The following KAZN variants were observed in gnomAD, a reference collection of about 807,000 sequenced individuals.
KAZN encodes the protein kazrin.
In KAZN, 40 loss-of-function variants were observed where a neutral mutation model predicts 87.4. That is an observed-to-expected ratio of 0.46 (90% CI 0.36 to 0.60). The LOEUF (loss-of-function observed/expected upper bound fraction) is 0.60, where lower values mean the gene tolerates loss of function less well. Ranked by LOEUF, KAZN falls within the 20% of genes least tolerant of loss-of-function variation. KAZN has a pLI of 0.00. For missense variants in KAZN, 898 were observed against 1,073.9 expected (o/e 0.84, Z 2.29); for synonymous variants, 466 against 458.3 (o/e 1.02, Z -0.22).
At chr1:14,393,559 C>G (rs953632212) in intron 2 of KAZN, among the ~76,000 whole-genome samples, 1 of 152,062 alleles carries the variant, frequency 6.6e-6, no homozygotes, top group Non-Finnish European at 1.5e-5. Flanking sequence ...AGTAGCCTCA[C>G]GAAGAGTTTG....
chr1:14,790,028 G>A (rs1456623301), intron 1 of KAZN, among the ~76,000 whole-genome samples: 2 of 151,174 alleles, frequency 1.3e-5, no homozygotes, highest in African/African-American at 2.4e-5. Flanking sequence ...TTGAGACAGA[G>A]TTTCACTCTT....
At chr1:14,043,628 A>C (rs555194871) in intron 1 of KAZN, among the ~76,000 whole-genome samples, 6 of 152,212 alleles carry the variant, frequency 3.9e-5, no homozygotes, top group Non-Finnish European at 7.4e-5. Flanking sequence ...TTTTTAATTA[A>C]ATATAACAAC....
rs375650291 is a variant in KAZN, at chr1:15,048,554, T to C, written c.726+4395T>C. 4.5e-3 allele frequency among the ~76,000 whole-genome samples: 677 copies of C among 151,138 alleles called. 3 individuals are homozygous for C. Among genetic ancestry groups the C allele is most frequent in the South Asian group, 0.033 (154 of 4,670 alleles). On this transcript the variant is annotated intron_variant, in intron 4 of 14. Transcript: ENST00000376030. ...GCCAGAGCCAGCGTTGATCCTTGGT[T>C]GTTGGTCCTGGGTCGTTGATCCTTG... is the stretch of plus-strand genomic sequence containing the variant.
At chr1:14,989,726 G>T (rs1667169511) in intron 2 of KAZN, among the ~76,000 whole-genome samples, 1 of 152,174 alleles carries the variant, frequency 6.6e-6, no homozygotes, top group Non-Finnish European at 1.5e-5. Flanking sequence ...TGTGTGAAGT[G>T]CTCGGGATGG....
intron 2 of KAZN, among the ~76,000 whole-genome samples, chr1:14,471,238 C>T (rs533012618): frequency 1.3e-5 from 2 of 152,142 alleles, no homozygotes; most frequent in Non-Finnish European, 2.9e-5. Flanking sequence ...ATGAATACGG[C>T]TGGCTATCAT....
chr1:14,889,851 C>A (rs1278418562), intron 1 of KAZN, among the ~76,000 whole-genome samples: 1 of 152,212 alleles, frequency 6.6e-6, no homozygotes, highest in Non-Finnish European at 1.5e-5. Context: ...GGGACAGAGA[C>A]CATTGAAAAT....
At chr1:14,770,801 G>T (rs922666330) in intron 1 of KAZN, among the ~76,000 whole-genome samples, 6 of 152,176 alleles carry the variant, frequency 3.9e-5, no homozygotes, top group African/African-American at 1.4e-4. Flanking sequence ...GATGTTAAGA[G>T]AGAAACATGC....
At chr1:14,733,235 A>C (rs548073876) in intron 1 of KAZN, among the ~76,000 whole-genome samples, 2 of 152,276 alleles carry the variant, frequency 1.3e-5, no homozygotes, top group South Asian at 4.1e-4. Flanking sequence ...GAATTCTCGC[A>C]TGTTCCCGGC....
At chr1:14,557,668 T>TGTG (rs1673991929) in intron 2 of KAZN, among the ~76,000 whole-genome samples, 2 of 125,472 alleles carry the variant, frequency 1.6e-5, no homozygotes, top group Non-Finnish European at 3.4e-5. Flanking sequence ...GTGTGTGTGG[T>TGTG]GTGTGAGAGA....
chr1:14,164,248 CAAGTT>C (rs1413408084), intron 1 of KAZN, among the ~76,000 whole-genome samples: 1 of 152,164 alleles, frequency 6.6e-6, no homozygotes, highest in African/African-American at 2.4e-5. Context: ...TGATTACAGT[CAAGTT>C]GTCACCCTGG....
chr1:14,572,740 C>G (rs367608343), intron 2 of KAZN, among the ~76,000 whole-genome samples: 1 of 152,102 alleles, frequency 6.6e-6, no homozygotes, highest in African/African-American at 2.4e-5. Flanking sequence ...CCCCGCGGAG[C>G]GGCCCCCCAC....
At chr1:14,473,367 G>A (rs529853551) in intron 2 of KAZN, among the ~76,000 whole-genome samples, 4 of 152,236 alleles carry the variant, frequency 2.6e-5, no homozygotes, top group Non-Finnish European at 5.9e-5. Flanking sequence ...GGTGGCTCAC[G>A]CCTGTAATCC....
chr1:14,043,159 C>T (rs781344873), intron 1 of KAZN, among the ~76,000 whole-genome samples: 8 of 152,160 alleles, frequency 5.3e-5, no homozygotes, highest in African/African-American at 1.2e-4. Context: ...TATGTGGAAT[C>T]GTACTATATC....
At chr1:14,912,925 G>A (rs1402483903) in intron 1 of KAZN, among the ~76,000 whole-genome samples, 1 of 152,114 alleles carries the variant, frequency 6.6e-6, no homozygotes, top group Non-Finnish European at 1.5e-5. Flanking sequence ...CTCTCATAGG[G>A]CAGGTGGGGG....
At chr1:14,352,079 G>A (rs566799133) in intron 2 of KAZN, among the ~76,000 whole-genome samples, 2 of 152,300 alleles carry the variant, frequency 1.3e-5, no homozygotes, top group African/African-American at 4.8e-5. Flanking sequence ...GTTATCTCTT[G>A]TAAGTTGAAG....
chr1:15,019,112 T>C (rs545259030), intron 2 of KAZN, among the ~76,000 whole-genome samples: 1 of 152,274 alleles, frequency 6.6e-6, no homozygotes, highest in South Asian at 2.1e-4. Context: ...GGACCTGGCA[T>C]GTACCTCCAC....
At chr1:13,951,409 C>T (rs770904414) in intron 1 of KAZN, among the ~76,000 whole-genome samples, 11 of 152,142 alleles carry the variant, frequency 7.2e-5, no homozygotes, top group Non-Finnish European at 1.0e-4. Flanking sequence ...ATGCCTGGCT[C>T]ATGGTTCGGG....
At chr1:14,752,117 C>T (rs897252653) in intron 1 of KAZN, among the ~76,000 whole-genome samples, 14 of 152,056 alleles carry the variant, frequency 9.2e-5, no homozygotes, top group African/African-American at 3.4e-4. Flanking sequence ...GTGTCAGGCT[C>T]GTTTTAACAA....
intron 2 of KAZN, among the ~76,000 whole-genome samples, chr1:14,320,092 G>GA (rs1232369741): frequency 2.6e-5 from 4 of 152,126 alleles, no homozygotes; most frequent in African/African-American, 9.7e-5. Context: ...GTAAAGTTGA[G>GA]AAAATTGAGG....
Sources: allele counts gnomAD v4.1 joint callset (sites outside exome capture counted in the v4.1 genomes callset), GRCh38; gene constraint gnomAD v4.1.1; transcripts MANE v1.5; gene names NCBI Gene and HGNC (gene_info 2026-07-23, HGNC 2026-07-21).